The following PER1 variants were observed in gnomAD, a reference collection of about 807,000 sequenced individuals.
PER1 encodes the protein period circadian protein homolog 1.
In PER1, 87 loss-of-function variants were observed where a neutral mutation model predicts 125.9. That is an observed-to-expected ratio of 0.69 (90% CI 0.58 to 0.83). The LOEUF is 0.83. PER1 is among the 40% of genes least tolerant of loss of function. PER1 has a pLI of 0.00. For missense variants in PER1, 1,775 were observed against 1,722.8 expected, an observed-to-expected ratio of 1.03 and a Z score of -0.54; for synonymous variants, 801 against 714.7, an observed-to-expected ratio of 1.12 and a Z score of -1.93.
At position 8,146,152 on chromosome 17, in the gene PER1, G is replaced by A. The variant is rs771198427; in HGVS notation, c.2039-15C>T. 2.5e-6 allele frequency: 4 copies of A among 1,574,438 alleles called. No individual in the cohort carries two copies. Among genetic ancestry groups the A allele is most frequent in the Non-Finnish European group, 3.4e-6 (4 of 1,159,858 alleles). ...TGACGGCGGATCTGTGCAGAGAGAT[G>A]GTGCCAGTTACCATCCCCACCCCCA... On this transcript the variant is annotated splice_polypyrimidine_tract_variant and intron_variant, in intron 16 of 22. Transcript: ENST00000317276.
intron 21 of PER1, 49 bp from the exon 22 acceptor site, chr17:8,142,004 A>AC: frequency 1.2e-6 from 2 of 1,608,098 alleles, no homozygotes. Context: ...CAGGACCCGG[A>AC]CCAGGACCCA....
At position 8,141,122 on chromosome 17, in the gene PER1, T is replaced by C. The variant is rs981745420; in HGVS notation, c.3819A>G (p.Glu1273=). Residue 1273 remains glutamate (E), a synonymous_variant, in exon 23 of 23, where the codon GAA becomes GAG. Transcript: ENST00000317276. ...SQDLAMEEEE[E]GRSSSSPALP... ...AGGCTGGACTGGATGAGCTCCTGCCTTCTTCCTCCTCCTCCATAGCCAAGT... is the reference window on the plus strand; with the variant it reads ...AGGCTGGACTGGATGAGCTCCTGCCCTCTTCCTCCTCCTCCATAGCCAAGT... 90 of 1,613,858 alleles carry C rather than the reference T, an allele frequency of 5.6e-5. No individual in the cohort carries two copies. The Admixed American group carries it at 1.3e-3, about 23-fold the overall frequency.
Position 8,146,932 on chromosome 17 carries a change from G to A in PER1, c.1700C>T (p.Ser567Phe), listed in dbSNP as rs754204612. Reference sequence around the variant, plus strand: ...GGGCCGGGACTGAGGCCGGGCCCGAGACTCAATAAAAAGCTGCTGGCCCTG... The same window carrying A: ...GGGCCGGGACTGAGGCCGGGCCCGAAACTCAATAAAAAGCTGCTGGCCCTG... ...KHQGQQLFIE[S>F]RARPQSRPRL... The change falls in exon 14 of 23, where the codon TCT becomes TTT. Residue 567 changes from serine to phenylalanine, a missense_variant. Coordinates refer to ENST00000317276, the MANE Select transcript of PER1 (RefSeq NM_002616.3). 4 of 1,614,100 alleles carry A rather than the reference G, an allele frequency of 2.5e-6. No homozygotes were observed. The highest frequency in any genetic ancestry group is 3.4e-6 in the Non-Finnish European group (4 of 1,179,986).
At chr17:8,145,880 G>A (rs1006123347) in intron 17 of PER1, 78 bp downstream of exon 17, 1 of 1,475,576 alleles carries the variant, frequency 6.8e-7, no homozygotes, top group Non-Finnish European at 9.1e-7. Flanking sequence ...GCCCTAGAGG[G>A]GAGGGGAAAG....
chr17:8,150,057 C>T lies in PER1; in HGVS notation c.443G>A (p.Arg148Gln), dbSNP rs763568386. ...CTTGCCCCGGCGCTCTGGCGGCAGT[C>T]GAAGCTTGAGCTCTCGAAGTGCTGT... Reference protein sequence around the residue: ...LMTALRELKLRLPPERRGKGR... With the variant: ...LMTALRELKLQLPPERRGKGR... Residue 148 changes from arginine to glutamine, a missense_variant, in exon 4 of 23, where the codon CGA (arginine) becomes CAA (glutamine). Arg to Gln is a conservative substitution (Grantham distance 43). Coordinates refer to ENST00000317276, the MANE Select transcript of PER1 (RefSeq NM_002616.3). 2.5e-6 allele frequency: 4 copies of T among 1,614,194 alleles called. No homozygotes were observed. The highest frequency in any genetic ancestry group is 2.2e-5 in the South Asian group (2 of 91,080).
At position 8,143,790 on chromosome 17, in the gene PER1, C is replaced by G. The variant is rs1982249625; in HGVS notation, c.2548G>C (p.Ala850Pro). 1 of 1,609,450 alleles carries G rather than the reference C, an allele frequency of 6.2e-7. No individual in the cohort carries two copies. Residue 850 changes from alanine (A) to proline (P), a missense_variant, in exon 19 of 23, where the codon GCT becomes CCT. By Grantham distance (27) the Ala-to-Pro change is conservative. Coordinates refer to ENST00000317276, the MANE Select transcript of PER1 (RefSeq NM_002616.3). ...TGTGAGACATAGCAGGGCGCTTCAG[C>G]CCGAGGGTTCTGGTGGTGGCGTGAG... ...KRSRHHQNPR[A>P]EAPCYVSHPS...
At chr17:8,149,918 C>T (rs751219975) in intron 4 of PER1, 42 bp from the exon 5 acceptor site, 1 of 1,614,026 alleles carries the variant, frequency 6.2e-7, no homozygotes, top group Non-Finnish European at 8.5e-7. Context: ...AGGAGGCTGC[C>T]TCAACACGGG....
Position 8,149,480 on chromosome 17 carries a change from C to T in PER1, c.835G>A (p.Gly279Ser), listed in dbSNP as rs1293985261. The change falls in exon 6 of 23, where the codon GGC becomes AGC. Residue 279 changes from glycine to serine, a missense_variant. Coordinates refer to ENST00000317276, the MANE Select transcript of PER1 (RefSeq NM_002616.3). ...STAPSRLPTW[G>S]TGASAGSGLR... is the part of the protein sequence containing the mutation. ...ACCTCACCTGCTGAGGCCCCTGTGCCCCAGGTGGGCAGGCGAGATGGAGCA... is the reference window on the plus strand; with the variant it reads ...ACCTCACCTGCTGAGGCCCCTGTGCTCCAGGTGGGCAGGCGAGATGGAGCA... The T allele has an allele frequency of 6.8e-6, 11 of 1,613,290 alleles. No homozygotes were observed. In the East Asian group the frequency reaches 1.8e-4, roughly 26 times the overall value.
intron 7 of PER1, chr17:8,149,050 G>T (rs897711363): frequency 4.6e-5 from 28 of 613,584 alleles, no homozygotes; most frequent in African/African-American, 4.1e-4. Flanking sequence ...TTAGCTGGGC[G>T]TGGTGGCGCA....
chr17:8,147,172 T>G, intron 13 of PER1, 78 bp downstream of exon 13: 1 of 1,525,876 alleles, frequency 6.6e-7, no homozygotes, highest in Non-Finnish European at 8.9e-7. Flanking sequence ...CGGGCAAGAC[T>G]CTGGGACTGG....
chr17:8,148,185 C>T lies in PER1; in HGVS notation c.1123G>A (p.Glu375Lys), dbSNP rs1982580976. ...TPSCLFQDVD[E>K]RAAPLLGYLP... ...TCCTCTAGGTCCTATCCTCACCTTT[C>T]ATCCACATCCTGGAAGAGGCAGCTG... The change falls in exon 9 of 23, where the codon GAA (glutamate) becomes AAA (lysine). Residue 375 changes from glutamate to lysine, a missense_variant. Transcript: ENST00000317276. 2 of 1,613,946 alleles carry T rather than the reference C, an allele frequency of 1.2e-6. No homozygotes were observed. Among genetic ancestry groups the T allele is most frequent in the Non-Finnish European group, 1.7e-6 (2 of 1,179,946 alleles).
intron 20 of PER1, 90 bp downstream of exon 20, chr17:8,142,559 G>C: frequency 6.4e-7 from 1 of 1,565,662 alleles, no homozygotes; most frequent in Non-Finnish European, 8.7e-7. Context: ...CATCCCAGTG[G>C]CCTTAGGAAG....
Position 8,147,664 on chromosome 17 carries a change from G to A in PER1, c.1388+10C>T. 4.3e-6 allele frequency: 7 copies of A among 1,613,874 alleles called. No homozygotes were observed. Among genetic ancestry groups the A allele is most frequent in the Non-Finnish European group, 5.9e-6 (7 of 1,180,000 alleles). ...TCCCCAACGCCAGCTCGGGGGCATG[G>A]CCCACTTACGTGCGTACTTTGTGGC... On this transcript the variant is annotated intron_variant, in intron 11 of 22. Transcript: ENST00000317276.
Position 8,150,689 on chromosome 17 carries a change from T to A in PER1, c.18A>T (p.Glu6Asp). MSGPL[E>D]GADGGGDPRP... The stretch of plus-strand genomic sequence containing the variant: ...TGGGGTCCCCTCCCCCATCAGCCCC[T>A]TCTAGGGGGCCACTCATGTCTGGGC... The change falls in exon 2 of 23, where the codon GAA (glutamate) becomes GAT (aspartate). Residue 6 changes from glutamate to aspartate, a missense_variant. Coordinates refer to ENST00000317276, the MANE Select transcript of PER1 (RefSeq NM_002616.3). The A allele has an allele frequency of 1.9e-6, 3 of 1,567,144 alleles. No homozygotes were observed. Among genetic ancestry groups the A allele is most frequent in the South Asian group, 1.2e-5 (1 of 84,842 alleles).
intron 1 of PER1, 73 bp downstream of exon 1, chr17:8,152,264 C>A (rs1044013238): frequency 6.6e-6 from 1 of 152,120 alleles, no homozygotes. Context: ...GAAAGTAGCC[C>A]ATCAGATTGG....
Position 8,140,791 on chromosome 17 carries a change from G to C in PER1, c.*277C>G. ...GGAATATGGAGAGGCCACTTCAGCAGCTTGTCAGCAACTTTGTCCAGGGGA... is the reference window on the plus strand; with the variant it reads ...GGAATATGGAGAGGCCACTTCAGCACCTTGTCAGCAACTTTGTCCAGGGGA... On this transcript the variant is annotated 3_prime_UTR_variant, in exon 23 of 23. Transcript: ENST00000317276. The C allele has an allele frequency of 2.4e-6, 1 of 420,614 alleles. No individual in the cohort carries two copies. Among genetic ancestry groups the C allele is most frequent in the East Asian group, 3.5e-5 (1 of 28,176 alleles). The allele number at this position is 420,614 out of a possible 1,614,324, so 26.1% of individuals were successfully genotyped here.
chr17:8,142,303 G>A lies in PER1; in HGVS notation c.3415C>T (p.Gln1139Ter). 6.2e-7 allele frequency: 1 copy of A among 1,610,026 alleles called. No individual in the cohort carries two copies. The stretch of plus-strand genomic sequence containing the variant: ...ACCTGGTAGGTCATCATGACGCGCT[G>A]GTCAGCATTGGCCATGAGCAGCCAA... Reference protein sequence around the residue: ...PIWLLMANADQRVMMTYQVPS... With the variant: ...PIWLLMANAD Residue 1139 changes from glutamine to a stop codon, truncating the protein, a stop_gained, in exon 21 of 23, where the codon CAG becomes TAG. Coordinates refer to ENST00000317276, the MANE Select transcript of PER1 (RefSeq NM_002616.3). LOFTEE classifies it high-confidence loss of function.
At chr17:8,141,739 ATTCTTTTTTCTCCCCC>A in intron 22 of PER1, 50 bp downstream of exon 22, 1 of 1,553,702 alleles carries the variant, frequency 6.4e-7, no homozygotes, top group Non-Finnish European at 8.8e-7. Context: ...CTTGAGCTCA[ATTCTTTTTTCTCCCCC>A]TTGAACTTGA....
rs1366435650 is a variant in PER1 at position 8,140,696 on chromosome 17, G to C, written c.*372C>G. The stretch of plus-strand genomic sequence containing the variant: ...CTCCTCCCATCTGGGGAGGAGGTGG[G>C]AGAGAGAGCTGTCTCCCCGCAATAA... On this transcript the variant is annotated 3_prime_UTR_variant, in exon 23 of 23. Transcript: ENST00000317276. The C allele has an allele frequency of 7.9e-6, 2 of 251,806 alleles. No homozygotes were observed. The highest frequency in any genetic ancestry group is 5.6e-5 in the East Asian group (1 of 17,876). 15.6% of individuals were successfully genotyped at this position (251,806 alleles called of 1,614,324 possible).
Sources: allele counts gnomAD v4.1 joint callset, GRCh38; gene constraint gnomAD v4.1.1; transcripts MANE v1.5; gene names NCBI Gene and HGNC (gene_info 2026-07-23, HGNC 2026-07-21).